Variants in MAP2K5 observed in about 807,000 individuals in gnomAD.
The protein encoded by MAP2K5 is dual specificity mitogen-activated protein kinase kinase 5.
A neutral mutation model predicts 83.1 loss-of-function variants in MAP2K5; 49 were observed. The observed-to-expected ratio is 0.59, with a 90% CI of 0.47 to 0.75. The LOEUF (loss-of-function observed/expected upper bound fraction) is 0.75, where lower values mean the gene tolerates loss of function less well. Ranked by LOEUF, MAP2K5 falls within the 30% of genes least tolerant of loss-of-function variation. The probability of loss-of-function intolerance (pLI) is 0.00; values close to 1 mark genes in which losing one functional copy is unlikely to be tolerated. For synonymous variants in MAP2K5, 202 were observed against 191.8 expected (o/e 1.05, Z -0.44); for missense variants, 457 against 557.5 (o/e 0.82, Z 1.82).
chr15:67,670,393 A>G (rs2087499373), intron 13 of MAP2K5: 1 of 455,336 alleles, frequency 2.2e-6, no homozygotes, highest in Non-Finnish European at 4.4e-6. Flanking sequence ...TTTTTGTGGT[A>G]GTTACATGGT....
intron 19 of MAP2K5, among the ~76,000 whole-genome samples, chr15:67,756,342 A>G (rs570532416): frequency 6.6e-6 from 1 of 152,232 alleles, no homozygotes; most frequent in Non-Finnish European, 1.5e-5. Context: ...ATAAGTTTTG[A>G]ATACAGTTGT....
chr15:67,603,939 G>A (rs2085722423), intron 8 of MAP2K5, among the ~76,000 whole-genome samples: 1 of 152,116 alleles, frequency 6.6e-6, no homozygotes, highest in East Asian at 1.9e-4. Flanking sequence ...TTTCTTTAAA[G>A]TGTAATAAAG....
chr15:67,707,083 T>C (rs1406540167), intron 16 of MAP2K5, among the ~76,000 whole-genome samples: 1 of 152,086 alleles, frequency 6.6e-6, no homozygotes, highest in Non-Finnish European at 1.5e-5. Context: ...GCCCGGATAA[T>C]TTTTTGTATT....
intron 16 of MAP2K5, among the ~76,000 whole-genome samples, chr15:67,715,785 G>A (rs943016281): frequency 6.6e-6 from 1 of 152,152 alleles, no homozygotes; most frequent in African/African-American, 2.4e-5. Context: ...ACCTCCTGAA[G>A]CTAAAACAAA....
rs2089855986 is a variant in MAP2K5, at chr15:67,757,169, T to A, written c.1134+8568T>A. Among the ~76,000 whole-genome samples the A allele has an allele frequency of 6.6e-6, 1 of 152,222 alleles. No individual in the cohort carries two copies. The highest frequency in any genetic ancestry group is 2.4e-5 in the African/African-American group (1 of 41,454). On this transcript the variant is annotated intron_variant, in intron 19 of 21. Transcript: ENST00000178640. This position sits in a 1 kb window ranked among gnomAD's most constrained non-coding sequence, Gnocchi z 4.9. ...CCAATTTACATTCCCATGAACAGTGTATAAGGGTTCCCTTTTCTCCACATC... is the reference window on the plus strand; with the variant it reads ...CCAATTTACATTCCCATGAACAGTGAATAAGGGTTCCCTTTTCTCCACATC...
chr15:67,635,132 A>T (rs916761135), intron 9 of MAP2K5, among the ~76,000 whole-genome samples: 2 of 150,208 alleles, frequency 1.3e-5, no homozygotes, highest in Non-Finnish European at 3.0e-5. Flanking sequence ...ATTTTACATC[A>T]TCATATGCGA....
intron 13 of MAP2K5, among the ~76,000 whole-genome samples, chr15:67,667,661 A>C (rs1469168337): frequency 2.0e-5 from 3 of 152,186 alleles, no homozygotes; most frequent in Admixed American, 6.5e-5. Flanking sequence ...GTAAAAAAAA[A>C]AAGAAATTGC....
Position 67,543,442 on chromosome 15 carries a change from G to A in MAP2K5, c.107G>A (p.Gly36Glu), listed in dbSNP as rs1397593270. The change falls in exon 1 of 22, where the codon GGG (glycine) becomes GAG (glutamate). Residue 36 changes from glycine (G) to glutamate (E), a missense_variant. By Grantham distance (98) the Gly-to-Glu change is moderately conservative (BLOSUM62 -2). Coordinates refer to ENST00000178640, the MANE Select transcript of MAP2K5 (RefSeq NM_145160.3). The surrounding 1 kb of genome is among the most constrained non-coding windows in gnomAD (Gnocchi z 4.3). ...GCGGTGGACTGGACAGTGCACTCCG[G>A]GCCGCAGTTACTCTTCAGGGATGTG... is the stretch of plus-strand genomic sequence containing the variant. ...SGAVDWTVHS[G>E]PQLLFRDVLD... 1.2e-6 allele frequency: 2 copies of A among 1,614,000 alleles called. No individual in the cohort carries two copies. Among genetic ancestry groups the A allele is most frequent in the Admixed American group, 3.3e-5 (2 of 60,002 alleles).
intron 8 of MAP2K5, among the ~76,000 whole-genome samples, chr15:67,613,041 TG>T (rs1475447558): frequency 5.9e-5 from 9 of 152,192 alleles, no homozygotes; most frequent in Non-Finnish European, 1.0e-4. Context: ...TGTTCTGAGA[TG>T]GGACAATTCC....
chr15:67,623,735 T>G (rs1178762649), intron 8 of MAP2K5, among the ~76,000 whole-genome samples: 1 of 151,778 alleles, frequency 6.6e-6, no homozygotes, highest in Non-Finnish European at 1.5e-5. Context: ...GTAGCTGGGA[T>G]TACAGGCACC....
At chr15:67,772,419 A>G (rs1259512887) in intron 20 of MAP2K5, among the ~76,000 whole-genome samples, 1 of 152,190 alleles carries the variant, frequency 6.6e-6, no homozygotes, top group Non-Finnish European at 1.5e-5. Flanking sequence ...AAGTAGAATT[A>G]GGATACATTT....
At chr15:67,762,855 C>A (rs1242211621) in intron 19 of MAP2K5, among the ~76,000 whole-genome samples, 3 of 152,112 alleles carry the variant, frequency 2.0e-5, no homozygotes, top group South Asian at 2.1e-4. Context: ...TAGGATGGGC[C>A]TTTCAGTGGC....
chr15:67,642,837 C>T (rs1453476408), intron 9 of MAP2K5, among the ~76,000 whole-genome samples: 1 of 152,180 alleles, frequency 6.6e-6, no homozygotes, highest in Admixed American at 6.5e-5. Context: ...ATGATATATT[C>T]ACAGCCAGTA....
chr15:67,716,408 T>G (rs2088827580), intron 16 of MAP2K5, among the ~76,000 whole-genome samples: 1 of 152,174 alleles, frequency 6.6e-6, no homozygotes. Context: ...TGGATTACTT[T>G]TGAGTTGAGA....
intron 8 of MAP2K5, among the ~76,000 whole-genome samples, chr15:67,629,637 G>C (rs562842981): frequency 6.6e-6 from 1 of 152,120 alleles, no homozygotes. Flanking sequence ...TGAAGATGAG[G>C]AATTCCTGAG....
At chr15:67,634,705 C>T (rs1424480216) in intron 9 of MAP2K5, among the ~76,000 whole-genome samples, 1 of 151,838 alleles carries the variant, frequency 6.6e-6, no homozygotes, top group Non-Finnish European at 1.5e-5. Flanking sequence ...ATTCTTTGCT[C>T]TGAAATTTAT....
intron 6 of MAP2K5, among the ~76,000 whole-genome samples, chr15:67,588,302 T>C (rs974074886): frequency 1.3e-5 from 2 of 152,226 alleles, no homozygotes; most frequent in African/African-American, 4.8e-5. Flanking sequence ...CGTTTTCCTG[T>C]TTCTTTTCAT....
intron 8 of MAP2K5, among the ~76,000 whole-genome samples, chr15:67,617,483 G>A (rs2086080325): frequency 1.3e-5 from 2 of 152,094 alleles, no homozygotes; most frequent in Non-Finnish European, 2.9e-5. Context: ...AGAGTCAGCT[G>A]GGATGATTCA....
rs933908757 is a variant in MAP2K5, at chr15:67,724,668, A to G, written c.1045-3248A>G. Among the ~76,000 whole-genome samples, 10 of 152,242 alleles carry G rather than the reference A, an allele frequency of 6.6e-5. No homozygotes were observed. The highest frequency in any genetic ancestry group is 2.2e-4 in the African/African-American group (9 of 41,452). On this transcript the variant is annotated intron_variant, in intron 16 of 21. Coordinates refer to ENST00000178640, the MANE Select transcript of MAP2K5 (RefSeq NM_145160.3). The surrounding 1 kb of genome is among the most constrained non-coding windows in gnomAD (Gnocchi z 4.4). ...ATAAAAAGAGTTCTAGAGCCTGGCT[A>G]TATGTTTCCTTCTACTTTTCTATAA...
Sources: allele counts gnomAD v4.1 joint callset (sites outside exome capture counted in the v4.1 genomes callset), GRCh38; gene constraint gnomAD v4.1.1; non-coding constraint Gnocchi (gnomAD v3.1); transcripts MANE v1.5; gene names NCBI Gene and HGNC (gene_info 2026-07-23, HGNC 2026-07-21).